SLF1: variants seen among roughly 807,000 people sequenced by gnomAD.
SLF1 encodes SMC5-SMC6 complex localization factor protein 1.
In SLF1, 105 loss-of-function variants were observed where a neutral mutation model predicts 123.0. The observed-to-expected ratio is 0.85, with a 90% CI of 0.73 to 1.00. The LOEUF (loss-of-function observed/expected upper bound fraction) is 1.00. Among genes scored for constraint, SLF1 ranks in the 50% least tolerant of loss-of-function variants. The probability of loss-of-function intolerance (pLI) is 0.00; values close to 1 mark genes in which losing one functional copy is unlikely to be tolerated. For synonymous variants in SLF1, 434 were observed against 406.6 expected (o/e 1.07, Z -0.81); for missense variants, 1,239 against 1,223.0 (o/e 1.01, Z -0.20).
At chr5:94,620,936 G>A (rs1012581179) in intron 1 of SLF1, among the ~76,000 whole-genome samples, 1 of 152,064 alleles carries the variant, frequency 6.6e-6, no homozygotes, top group Non-Finnish European at 1.5e-5. Flanking sequence ...TCACTCTAAT[G>A]ATTGATACCA....
chr5:94,627,439 T>C (rs1194610952), intron 1 of SLF1, among the ~76,000 whole-genome samples: 1 of 151,986 alleles, frequency 6.6e-6, no homozygotes, highest in African/African-American at 2.4e-5. Context: ...CTGTGAGTTA[T>C]GTACTCCCTA....
At chr5:94,662,535 A>C (rs552548289) in intron 10 of SLF1, among the ~76,000 whole-genome samples, 184 bp downstream of exon 10, 36 of 152,376 alleles carry the variant, frequency 2.4e-4, no homozygotes, top group Non-Finnish European at 4.4e-4. Flanking sequence ...AAACTCCCCC[A>C]AAAATTTCCA....
chr5:94,668,054 T>C (rs1750012729), intron 12 of SLF1, among the ~76,000 whole-genome samples: 1 of 151,964 alleles, frequency 6.6e-6, no homozygotes, highest in Non-Finnish European at 1.5e-5. Flanking sequence ...CACTGCTTCG[T>C]TTCACTTCTC....
intron 6 of SLF1, among the ~76,000 whole-genome samples, chr5:94,650,743 T>A (rs1327999300): frequency 6.6e-6 from 1 of 152,220 alleles, no homozygotes; most frequent in Admixed American, 6.5e-5. Context: ...TTTATATTTA[T>A]GTGACTTAGA....
chr5:94,666,755 G>A (rs1749804927), intron 12 of SLF1, among the ~76,000 whole-genome samples: 2 of 152,072 alleles, frequency 1.3e-5, no homozygotes, highest in Admixed American at 6.6e-5. Context: ...TTATGCCTTA[G>A]CCTTCCAAGT....
intron 6 of SLF1, 112 bp downstream of exon 6, chr5:94,649,709 A>C: frequency 9.7e-7 from 1 of 1,035,540 alleles, no homozygotes; most frequent in Non-Finnish European, 1.3e-6. Context: ...TGGTGTTTGA[A>C]CCATGTGTTT....
chr5:94,664,890 A>C (rs1476070295), intron 11 of SLF1, among the ~76,000 whole-genome samples: 2 of 152,208 alleles, frequency 1.3e-5, no homozygotes, highest in Non-Finnish European at 2.9e-5. Context: ...CAGAACCTGC[A>C]CTTATAGGAA....
At chr5:94,661,162 C>T (rs1372540645) in intron 9 of SLF1, among the ~76,000 whole-genome samples, 1 of 152,158 alleles carries the variant, frequency 6.6e-6, no homozygotes, top group African/African-American at 2.4e-5. Flanking sequence ...GGAATAATGC[C>T]ATTGAGTGGA....
At chr5:94,645,007 T>C (rs535596104) in intron 5 of SLF1, among the ~76,000 whole-genome samples, 1 of 152,288 alleles carries the variant, frequency 6.6e-6, no homozygotes, top group South Asian at 2.1e-4. Flanking sequence ...CCCTAATGAG[T>C]AGCAGCAATG....
rs1753435586 is a variant in SLF1 at position 94,695,122 on chromosome 5, A to G, written c.2987A>G (p.His996Arg). 1.9e-6 allele frequency: 3 copies of G among 1,612,692 alleles called. No individual in the cohort carries two copies. The highest frequency in any genetic ancestry group is 2.5e-6 in the Non-Finnish European group (3 of 1,179,166). The change falls in exon 21 of 21, where the codon CAT becomes CGT. Residue 996 changes from histidine (H) to arginine (R), a missense_variant. Coordinates refer to ENST00000265140, the MANE Select transcript of SLF1 (RefSeq NM_032290.4). ...GAACTGCTTATGGCTTGTAAAAGTC[A>G]TAAAGAAACCACCAGTGTTCATACT... ...LNELLMACKS[H>R]KETTSVHTDW...
chr5:94,674,094 CTT>C lies in SLF1; in HGVS notation c.1827+3090_1827+3091del, dbSNP rs569242758. Among the ~76,000 whole-genome samples, 483 of 152,170 alleles carry C rather than the reference CTT, an allele frequency of 3.2e-3. 1 individual carries two copies. Among genetic ancestry groups the C allele is most frequent in the African/African-American group, 0.011 (476 of 41,534 alleles). On this transcript the variant is annotated intron_variant, in intron 14 of 20. Coordinates refer to ENST00000265140, the MANE Select transcript of SLF1 (RefSeq NM_032290.4). ...AGCATCTTTATAAATTACCATCTGT[CTT>C]TTTATTTACTTTTTATACAATGCAA...
chr5:94,645,644 T>C (rs1486112637), intron 5 of SLF1, among the ~76,000 whole-genome samples: 2 of 152,204 alleles, frequency 1.3e-5, no homozygotes. Context: ...TTTTGCAGTA[T>C]TCTAACAACA....
chr5:94,654,416 A>G (rs929005573), intron 8 of SLF1, among the ~76,000 whole-genome samples: 1 of 151,570 alleles, frequency 6.6e-6, no homozygotes, highest in African/African-American at 2.4e-5. Flanking sequence ...AAAAGAAAGT[A>G]CATATGTAAA....
At chr5:94,674,931 A>G (rs1750874613) in intron 14 of SLF1, among the ~76,000 whole-genome samples, 1 of 152,258 alleles carries the variant, frequency 6.6e-6, no homozygotes, top group South Asian at 2.1e-4. Flanking sequence ...GAAAGTTGAT[A>G]AAGAGTTTAA....
In SLF1 at chr5:94,640,296, A is replaced by T. The variant is rs549809519; in HGVS notation, c.432-2977A>T. Among the ~76,000 whole-genome samples, 5 of 152,264 alleles carry T rather than the reference A, an allele frequency of 3.3e-5. No homozygotes were observed. The East Asian group carries it at 5.8e-4, about 18-fold the overall frequency. On this transcript the variant is annotated intron_variant, in intron 4 of 20. Transcript: ENST00000265140. ...GACAGTTTTTTTCACTTTAATTCGT[A>T]ATTAAAGATTCTCTTCCACTTTCTT... is the stretch of plus-strand genomic sequence containing the variant.
chr5:94,690,015 T>G (rs944059958), intron 18 of SLF1, among the ~76,000 whole-genome samples: 1 of 152,156 alleles, frequency 6.6e-6, no homozygotes, highest in Non-Finnish European at 1.5e-5. Context: ...GAATGAAGAG[T>G]AGGCTATGTT....
intron 5 of SLF1, among the ~76,000 whole-genome samples, chr5:94,644,484 G>C (rs983353293): frequency 6.6e-6 from 1 of 152,066 alleles, no homozygotes; most frequent in African/African-American, 2.4e-5. Flanking sequence ...CTTTTCAATT[G>C]TATCCTGCTT....
intron 7 of SLF1, among the ~76,000 whole-genome samples, chr5:94,652,046 T>C (rs1366832065): frequency 6.6e-6 from 1 of 151,724 alleles, no homozygotes; most frequent in African/African-American, 2.4e-5. Context: ...TCTTGCTCTG[T>C]TACCAGGCTG....
intron 1 of SLF1, among the ~76,000 whole-genome samples, chr5:94,627,192 AT>A (rs1257517759): frequency 6.6e-6 from 1 of 152,184 alleles, no homozygotes; most frequent in Non-Finnish European, 1.5e-5. Flanking sequence ...GAAAGAAGTC[AT>A]TGTTTCTTTA....
Sources: gnomAD v4.1 joint callset for allele counts (sites outside exome capture counted in the v4.1 genomes callset) on GRCh38, gnomAD v4.1.1 for gene constraint, MANE v1.5 for transcripts, NCBI Gene and HGNC (gene_info 2026-07-23, HGNC 2026-07-21) for gene names.